TRIO: variants seen among roughly 807,000 people sequenced by gnomAD.
The protein encoded by TRIO is triple functional domain protein.
In TRIO, 58 loss-of-function variants were observed where a neutral mutation model predicts 351.9. That is an observed-to-expected ratio of 0.16 (90% CI 0.13 to 0.21). The LOEUF (loss-of-function observed/expected upper bound fraction) is 0.21, where lower values mean the gene tolerates loss of function less well. TRIO is among the 10% of genes least tolerant of loss of function. The pLI is 1.00. For missense variants in TRIO, 3,201 were observed against 4,027.8 expected, an observed-to-expected ratio of 0.79 and a Z score of 5.56; for synonymous variants, 1,758 against 1,595.7, an observed-to-expected ratio of 1.10 and a Z score of -2.42.
chr5:14,171,737 G>C (rs1238622204), intron 1 of TRIO, among the ~76,000 whole-genome samples: 6 of 152,098 alleles, frequency 3.9e-5, no homozygotes, highest in Admixed American at 3.9e-4. Context: ...CTTCTTCCTG[G>C]TTATAAAATT....
In TRIO at chr5:14,289,980, T is replaced by G. The variant is rs185417627; in HGVS notation, c.541-736T>G. ...AGGACTGTTCAGAATCACAGCAGAT[T>G]ATTGCAATGAATAAAACATTGCCTC... On this transcript the variant is annotated intron_variant, in intron 4 of 56. Transcript: ENST00000344204. Among the ~76,000 whole-genome samples, 9 of 152,336 alleles carry G rather than the reference T, an allele frequency of 5.9e-5. No homozygotes were observed. In the East Asian group the frequency reaches 1.5e-3, roughly 26 times the overall value.
intron 1 of TRIO, among the ~76,000 whole-genome samples, chr5:14,193,425 TTC>T (rs1255345882): frequency 6.6e-6 from 1 of 152,266 alleles, no homozygotes; most frequent in Non-Finnish European, 1.5e-5. Flanking sequence ...TGACCATATT[TTC>T]TGTTTAGTTT....
chr5:14,434,804 G>A (rs1052223815), intron 34 of TRIO, among the ~76,000 whole-genome samples: 4 of 152,168 alleles, frequency 2.6e-5, no homozygotes, highest in South Asian at 2.1e-4. Flanking sequence ...CTTTTGCACC[G>A]ACTTAATAAT....
At chr5:14,366,786 G>T in intron 15 of TRIO, 74 bp from the exon 16 acceptor site, 3 of 1,600,778 alleles carry the variant, frequency 1.9e-6, no homozygotes, top group Non-Finnish European at 2.6e-6. Context: ...TTGCACGCTT[G>T]TATCTCACCC....
chr5:14,307,580 C>T (rs1211276731), intron 8 of TRIO, among the ~76,000 whole-genome samples: 1 of 152,232 alleles, frequency 6.6e-6, no homozygotes, highest in East Asian at 1.9e-4. Context: ...AGGATACTGA[C>T]CTCTCCGGCT....
intron 1 of TRIO, among the ~76,000 whole-genome samples, chr5:14,192,338 C>A (rs1366183287): frequency 6.6e-6 from 1 of 151,726 alleles, no homozygotes; most frequent in African/African-American, 2.4e-5. Flanking sequence ...TGGCCCACTG[C>A]AACTTCTACC....
intron 40 of TRIO, among the ~76,000 whole-genome samples, chr5:14,475,382 G>C (rs1057411987): frequency 6.6e-6 from 1 of 152,108 alleles, no homozygotes; most frequent in Non-Finnish European, 1.5e-5. Flanking sequence ...ATTAGGCCTG[G>C]GTGTTCCCCA....
rs749208822 is a variant in TRIO at position 14,387,461 on chromosome 5, A to G, written c.3594A>G (p.Leu1198=). The G allele has an allele frequency of 1.9e-6, 3 of 1,612,462 alleles. No individual in the cohort carries two copies. Among genetic ancestry groups the G allele is most frequent in the Non-Finnish European group, 2.5e-6 (3 of 1,179,234 alleles). The change falls in exon 22 of 57, where the codon CTA becomes CTG. Residue 1198 remains leucine, a synonymous_variant. Coordinates refer to ENST00000344204, the MANE Select transcript of TRIO (RefSeq NM_007118.4). The part of the protein sequence containing the change: ...TAKQTKERVK[L]LIQLADGFCE... ...AGCAAACCAAAGAGAGAGTGAAGCT[A>G]TTGATACAGCTGGCTGATGGCTTTT...
At chr5:14,392,843 G>T (rs1206767293) in intron 27 of TRIO, among the ~76,000 whole-genome samples, 2 of 151,886 alleles carry the variant, frequency 1.3e-5, no homozygotes, top group South Asian at 2.1e-4. Context: ...TCAGGAGATC[G>T]ACACCATCCT....
intron 1 of TRIO, among the ~76,000 whole-genome samples, chr5:14,181,427 T>TA (rs1789760938): frequency 6.6e-6 from 1 of 152,224 alleles, no homozygotes; most frequent in African/African-American, 2.4e-5. Context: ...GTTTCCTGCC[T>TA]GGGGGGTCCC....
chr5:14,492,952 A>C, intron 49 of TRIO, 138 bp downstream of exon 49: 1 of 1,343,608 alleles, frequency 7.4e-7, no homozygotes. Flanking sequence ...CTCAGCTCTG[A>C]GCACGTGGGA....
chr5:14,304,867 A>G lies in TRIO; in HGVS notation c.1500+275A>G, dbSNP rs1738224389. On this transcript the variant is annotated intron_variant, in intron 8 of 56. Transcript: ENST00000344204. ...CAAGGAAAACCTAGTCTTTTTTTCT[A>G]CATGTATTTAAGAAATGTGTATTTT... 2.6e-5 allele frequency among the ~76,000 whole-genome samples: 4 copies of G among 152,144 alleles called. No individual in the cohort carries two copies. In the South Asian group the frequency reaches 8.3e-4, roughly 32 times the overall value.
chr5:14,434,803 C>T (rs532687888), intron 34 of TRIO, among the ~76,000 whole-genome samples: 13 of 152,276 alleles, frequency 8.5e-5, no homozygotes, highest in East Asian at 1.9e-4. Context: ...ACTTTTGCAC[C>T]GACTTAATAA....
intron 9 of TRIO, among the ~76,000 whole-genome samples, chr5:14,322,154 G>T (rs867074890): frequency 6.6e-6 from 1 of 152,106 alleles, no homozygotes; most frequent in African/African-American, 2.4e-5. Context: ...CAAGTGTCTG[G>T]AAGAGCAGAT....
chr5:14,219,871 G>A (rs574529589), intron 1 of TRIO, among the ~76,000 whole-genome samples: 2 of 151,606 alleles, frequency 1.3e-5, no homozygotes, highest in Admixed American at 6.6e-5. Context: ...ACTAAAAGAT[G>A]CCCTAAAATA....
intron 10 of TRIO, among the ~76,000 whole-genome samples, chr5:14,333,949 C>G (rs1318591348): frequency 6.6e-6 from 1 of 152,218 alleles, no homozygotes; most frequent in Admixed American, 6.5e-5. Flanking sequence ...CCCAGTCTCT[C>G]AGACTCTCAA....
intron 45 of TRIO, 88 bp downstream of exon 45, chr5:14,481,706 T>C (rs768427128): frequency 1.5e-5 from 21 of 1,361,256 alleles, no homozygotes; most frequent in Non-Finnish European, 2.2e-5. Context: ...TAGAGAAAGC[T>C]GATCCTTTTC....
intron 1 of TRIO, among the ~76,000 whole-genome samples, chr5:14,264,525 T>TA (rs200122913): frequency 5.3e-5 from 8 of 152,150 alleles, no homozygotes; most frequent in Non-Finnish European, 8.8e-5. Context: ...ATATTTATGT[T>TA]AAAAAAATAA....
chr5:14,259,119 C>T (rs1486034453), intron 1 of TRIO, among the ~76,000 whole-genome samples: 1 of 152,216 alleles, frequency 6.6e-6, no homozygotes, highest in Non-Finnish European at 1.5e-5. Context: ...GGAGGGTCCT[C>T]ACGCCTCCAG....
Sources: gnomAD v4.1 joint callset for allele counts (sites outside exome capture counted in the v4.1 genomes callset) on GRCh38, gnomAD v4.1.1 for gene constraint, MANE v1.5 for transcripts, NCBI Gene and HGNC (gene_info 2026-07-23, HGNC 2026-07-21) for gene names.